Variants in KLHL24 observed in about 807,000 individuals in gnomAD.
KLHL24 encodes the protein kelch like family member 24, also known as kelch-like protein 24.
Under a neutral mutation model 53.4 loss-of-function variants are expected in KLHL24, and 29 were observed. That is an observed-to-expected ratio of 0.54 (90% CI 0.40 to 0.74). KLHL24 has a LOEUF of 0.74. Among genes scored for constraint, KLHL24 ranks in the 30% least tolerant of loss-of-function variants. The pLI is 0.00. For synonymous variants in KLHL24, 222 were observed against 253.7 expected, an observed-to-expected ratio of 0.88 and a Z score of 1.19; for missense variants, 504 against 744.0, an observed-to-expected ratio of 0.68 and a Z score of 3.75.
At chr3:183,652,138 C>A (rs900877164) in intron 3 of KLHL24, among the ~76,000 whole-genome samples, 1 of 152,030 alleles carries the variant, frequency 6.6e-6, no homozygotes, top group Non-Finnish European at 1.5e-5. Flanking sequence ...TTTAAAAAAT[C>A]TTTTTTCTGA....
intron 1 of KLHL24, among the ~76,000 whole-genome samples, chr3:183,639,026 C>T (rs371555955): frequency 6.6e-6 from 1 of 151,862 alleles, no homozygotes; most frequent in Non-Finnish European, 1.5e-5. Flanking sequence ...CGTGGTGAAA[C>T]CCCGTCTCTA....
intron 1 of KLHL24, among the ~76,000 whole-genome samples, chr3:183,637,117 G>C (rs975592471): frequency 6.6e-6 from 1 of 152,244 alleles, no homozygotes; most frequent in African/African-American, 2.4e-5. Flanking sequence ...CCCTGAGGCA[G>C]TGGCTGTTCA....
In KLHL24 at chr3:183,682,937, G is replaced by GT. The variant is rs761465934; in HGVS notation, c.*3666dup. ...ATCTACTTCAAACTGTATTTTTTTC[G>GT]TTTTTTTTTTTTTTTGGGGAAGGGG... On this transcript the variant is annotated 3_prime_UTR_variant, in exon 8 of 8. Coordinates refer to ENST00000242810, the MANE Select transcript of KLHL24 (RefSeq NM_017644.3). 0.095 allele frequency: 11,434 copies of GT among 119,934 alleles called. 433 individuals carry two copies. Among genetic ancestry groups the GT allele is most frequent in the Middle Eastern group, 0.19 (46 of 240 alleles). 7.4% of individuals were successfully genotyped at this position (119,934 alleles called of 1,614,324 possible).
At chr3:183,669,943 G>A (rs1721114641) in intron 5 of KLHL24, among the ~76,000 whole-genome samples, 1 of 152,102 alleles carries the variant, frequency 6.6e-6, no homozygotes, top group East Asian at 1.9e-4. Context: ...AATGATGACA[G>A]TCCATTAAGA....
At chr3:183,671,449 ACTAT>A (rs1166684925) in intron 6 of KLHL24, among the ~76,000 whole-genome samples, 1 of 152,176 alleles carries the variant, frequency 6.6e-6, no homozygotes, top group African/African-American at 2.4e-5. Flanking sequence ...TTGAAATGAG[ACTAT>A]CTGTGTAGAA....
intron 2 of KLHL24, among the ~76,000 whole-genome samples, chr3:183,649,490 C>T (rs1717815641): frequency 1.4e-5 from 2 of 145,870 alleles, no homozygotes; most frequent in Non-Finnish European, 3.0e-5. Flanking sequence ...AATCTGTCGA[C>T]ATAATTCTGA....
At position 183,663,280 on chromosome 3, in the gene KLHL24, A is replaced by AT. The variant is rs1337126862; in HGVS notation, c.921-177dup. Reference sequence around the variant, plus strand: ...GAATAATGATGTCACTAGCTCCCCTATAAACGTTCTCAAAGTAAGTAATTT... The same window carrying AT: ...GAATAATGATGTCACTAGCTCCCCTATTAAACGTTCTCAAAGTAAGTAATTT... On this transcript the variant is annotated intron_variant, in intron 3 of 7. Transcript: ENST00000242810. This position sits in a 1 kb window ranked among gnomAD's most constrained non-coding sequence, Gnocchi z 4.9. Among the ~76,000 whole-genome samples, 2 of 152,182 alleles carry AT rather than the reference A, an allele frequency of 1.3e-5. No homozygotes were observed. Among genetic ancestry groups the AT allele is most frequent in the Non-Finnish European group, 2.9e-5 (2 of 68,036 alleles).
chr3:183,677,943 C>A (rs1477056596), intron 7 of KLHL24, among the ~76,000 whole-genome samples: 1 of 152,146 alleles, frequency 6.6e-6, no homozygotes, highest in African/African-American at 2.4e-5. Context: ...AAGCACCCCC[C>A]ACCACGTCCA....
Position 183,663,045 on chromosome 3 carries a change from C to G in KLHL24, c.921-413C>G, listed in dbSNP as rs1576944767. 6.6e-6 allele frequency among the ~76,000 whole-genome samples: 1 copy of G among 152,214 alleles called. No homozygotes were observed. Among genetic ancestry groups the G allele is most frequent in the Non-Finnish European group, 1.5e-5 (1 of 68,004 alleles). On this transcript the variant is annotated intron_variant, in intron 3 of 7. Transcript: ENST00000242810. The surrounding 1 kb of genome is among the most constrained non-coding windows in gnomAD (Gnocchi z 4.9). The stretch of plus-strand genomic sequence containing the variant: ...GAATTAGTTTTTTAGAACTAGCAAG[C>G]TGATGAAAGAGCACCATTTTCCTAC...
At chr3:183,646,010 T>C (rs1309138608) in intron 2 of KLHL24, among the ~76,000 whole-genome samples, 1 of 152,102 alleles carries the variant, frequency 6.6e-6, no homozygotes, top group African/African-American at 2.4e-5. Context: ...ATTTAGAAAA[T>C]GCATGTATAT....
chr3:183,659,953 AGGT>A (rs1033880122), intron 3 of KLHL24, among the ~76,000 whole-genome samples: 1 of 152,100 alleles, frequency 6.6e-6, no homozygotes, highest in South Asian at 2.1e-4. Flanking sequence ...GTTAATAGTA[AGGT>A]GGTGGTGGTG....
At chr3:183,661,414 C>A (rs1719775362) in intron 3 of KLHL24, among the ~76,000 whole-genome samples, 1 of 152,116 alleles carries the variant, frequency 6.6e-6, no homozygotes, top group Admixed American at 6.6e-5. Flanking sequence ...GCCATTAGCT[C>A]CCTGCCTGAG....
At chr3:183,678,514 C>CT (rs36116160) in intron 7 of KLHL24, among the ~76,000 whole-genome samples, 59,762 of 148,296 alleles carry the variant, frequency 0.4, 14,819 homozygotes, top group African/African-American at 0.72. Flanking sequence ...AACATATAAT[C>CT]TTTTTTTTTT....
At chr3:183,642,110 A>G (rs1422999272) in intron 1 of KLHL24, among the ~76,000 whole-genome samples, 5 of 152,232 alleles carry the variant, frequency 3.3e-5, no homozygotes, top group African/African-American at 1.2e-4. Flanking sequence ...CACAGAGTCT[A>G]AAATTGGATC....
chr3:183,641,831 A>G (rs1329492060), intron 1 of KLHL24, among the ~76,000 whole-genome samples: 1 of 152,166 alleles, frequency 6.6e-6, no homozygotes, highest in Non-Finnish European at 1.5e-5. Context: ...CAGTACACTC[A>G]CGCTGTAGAT....
At chr3:183,641,461 A>C (rs548784687) in intron 1 of KLHL24, among the ~76,000 whole-genome samples, 1 of 137,058 alleles carries the variant, frequency 7.3e-6, no homozygotes, top group African/African-American at 2.8e-5. Context: ...CTGGCAACAG[A>C]GTGAGACTGT....
chr3:183,681,196 A>G lies in KLHL24; in HGVS notation c.*1910A>G, dbSNP rs1284632965. ...GTTTGGATACTTGTACTTTAATTTT[A>G]GAGTAAACATCTGCATTATACTCTT... On this transcript the variant is annotated 3_prime_UTR_variant, in exon 8 of 8. Coordinates refer to ENST00000242810, the MANE Select transcript of KLHL24 (RefSeq NM_017644.3). 1 of 152,158 alleles carries G rather than the reference A, an allele frequency of 6.6e-6. No homozygotes were observed. The highest frequency in any genetic ancestry group is 6.5e-5 in the Admixed American group (1 of 15,280). The allele number at this position is 152,158 out of a possible 1,614,324, so 9.4% of individuals were successfully genotyped here.
chr3:183,669,352 CA>C (rs921273048), intron 5 of KLHL24, among the ~76,000 whole-genome samples: 15 of 147,108 alleles, frequency 1.0e-4, no homozygotes, highest in East Asian at 5.9e-4. Context: ...AACTCCGCCT[CA>C]AAAAAAAAAT....
intron 5 of KLHL24, 60 bp from the exon 6 acceptor site, chr3:183,670,974 C>T (rs1199154150): frequency 8.5e-7 from 1 of 1,181,584 alleles, no homozygotes; most frequent in African/African-American, 1.5e-5. Context: ...ATTCTTTAGC[C>T]AACTACTTCA....
Sources: allele counts gnomAD v4.1 joint callset (sites outside exome capture counted in the v4.1 genomes callset), GRCh38; gene constraint gnomAD v4.1.1; non-coding constraint Gnocchi (gnomAD v3.1); transcripts MANE v1.5; gene names NCBI Gene and HGNC (gene_info 2026-07-23, HGNC 2026-07-21).